The following PRR33 variants were observed in gnomAD, a reference collection of about 807,000 sequenced individuals.
PRR33 encodes proline rich 33, also known as proline-rich protein 33.
PRR33 carries 1 observed loss-of-function variant against 0.5 expected under a neutral mutation model. The observed-to-expected ratio is 2.18, with a 90% CI of 0.77 to 10.34. The LOEUF (loss-of-function observed/expected upper bound fraction) is 10.34, where lower values mean the gene tolerates loss of function less well. Ranked by LOEUF, PRR33 falls within the 30% of genes most tolerant of loss-of-function variation. The pLI is 0.13. For missense variants in PRR33, 552 were observed against 251.8 expected, an observed-to-expected ratio of 2.19 and a Z score of -8.07; for synonymous variants, 226 against 110.0, an observed-to-expected ratio of 2.06 and a Z score of -6.60.
At chr11:1,910,078 G>A in the PRR33 span, among the ~76,000 whole-genome samples, 2 of 152,210 alleles carry the variant, frequency 1.3e-5, no homozygotes, top group African/African-American at 2.4e-5. Flanking sequence ...AGCTGTAATC[G>A]TGCAGAACCC....
the PRR33 span, among the ~76,000 whole-genome samples, chr11:1,904,460 C>T: frequency 1.3e-4 from 19 of 151,552 alleles, no homozygotes; most frequent in African/African-American, 4.4e-4. Flanking sequence ...ACCTGGTAGG[C>T]GGAGGTTGCA....
the PRR33 span, among the ~76,000 whole-genome samples, chr11:1,897,592 C>G: frequency 6.6e-6 from 1 of 152,172 alleles, no homozygotes; most frequent in Non-Finnish European, 1.5e-5. The surrounding 1 kb of genome is among the most constrained non-coding windows in gnomAD (Gnocchi z 4.0). Flanking sequence ...AAAACAATGG[C>G]CTCTTATAAT....
chr11:1,914,011 G>A, the PRR33 span, among the ~76,000 whole-genome samples: 1 of 152,238 alleles, frequency 6.6e-6, no homozygotes, highest in African/African-American at 2.4e-5. Context: ...TGCTCCTGGG[G>A]GGCCTTTCAG....
At chr11:1,899,663 T>G in the PRR33 span, among the ~76,000 whole-genome samples, 152,106 of 152,310 alleles carry the variant, frequency 1, 75,951 homozygotes, top group Middle Eastern at 1. Context: ...AGTTCATTCA[T>G]TTCCCTTGCT....
chr11:1,909,447 C>A, the PRR33 span, among the ~76,000 whole-genome samples: 1 of 151,892 alleles, frequency 6.6e-6, no homozygotes, highest in South Asian at 2.1e-4. Context: ...CCCATCTCTA[C>A]TAAAAATACA....
the PRR33 span, among the ~76,000 whole-genome samples, chr11:1,898,529 C>T: frequency 2.0e-5 from 3 of 152,098 alleles, no homozygotes; most frequent in African/African-American, 7.2e-5. Context: ...GCCACCACGC[C>T]CAGCAGAGGG....
chr11:1,891,842 C>G (rs535547024), exon 1 of PRR33: 1 of 152,530 alleles, frequency 6.6e-6, no homozygotes, highest in Non-Finnish European at 1.5e-5. Flanking sequence ...GCCAGACACC[C>G]GCCCCCCGGC....
chr11:1,888,090 A>G (rs1848831935), exon 1 of PRR33, among the ~76,000 whole-genome samples: 1 of 152,080 alleles, frequency 6.6e-6, no homozygotes, highest in Admixed American at 6.5e-5. Context: ...CCATGGTGAG[A>G]CACACATTTA....
At chr11:1,891,520 C>T (rs74047639) in exon 1 of PRR33, 15,034 of 152,308 alleles carry the variant, frequency 0.099, 972 homozygotes, top group South Asian at 0.28. Context: ...GCTTGGCAGG[C>T]AGGCCGCCTT....
upstream of PRR33, among the ~76,000 whole-genome samples, chr11:1,896,139 G>C (rs181744571): frequency 3.9e-5 from 6 of 152,280 alleles, no homozygotes; most frequent in Admixed American, 3.9e-4. Context: ...TAGAATGTTA[G>C]CTCTTCAATT....
At chr11:1,893,657 G>A (rs893554172), upstream of PRR33, among the ~76,000 whole-genome samples, 15 of 145,294 alleles carry the variant, frequency 1.0e-4, no homozygotes, top group African/African-American at 3.8e-4. Context: ...GATAAATGAA[G>A]GGATGGGTAG....
At position 1,889,399 on chromosome 11, in the gene PRR33, G is replaced by A. The variant is rs537569079; in HGVS notation, c.1186C>T (p.Arg396Trp). ...ACGGCATCCCACATCCTGGAGGTCC[G>A]GGAGGCGGGGGCCCGGGGTGCGGTG... is the stretch of plus-strand genomic sequence containing the variant. The change falls in exon 1 of 1, where the codon CGG becomes TGG. Residue 396 changes from arginine to tryptophan, a missense_variant. Arg to Trp is a moderately radical substitution (Grantham distance 101). Transcript: ENST00000640310. 8.2e-5 allele frequency: 57 copies of A among 692,456 alleles called. 1 individual carries two copies. The African/African-American group carries it at 9.0e-4, about 11-fold the overall frequency. 42.9% of individuals were successfully genotyped at this position (692,456 alleles called of 1,614,324 possible). A position where few individuals can be genotyped will look rare whatever the true frequency, so the allele number is the denominator to read the frequency against.
At chr11:1,914,880 T>TGTGG in the PRR33 span, among the ~76,000 whole-genome samples, 1 of 128,736 alleles carries the variant, frequency 7.8e-6, no homozygotes, top group African/African-American at 3.0e-5. Flanking sequence ...TGTGTGTGTG[T>TGTGG]TGTGAGGTCA....
At chr11:1,905,324 G>A in the PRR33 span, among the ~76,000 whole-genome samples, 4 of 150,864 alleles carry the variant, frequency 2.7e-5, no homozygotes, top group East Asian at 3.9e-4. Context: ...ACAGGTTTTC[G>A]CCATGTTGGC....
At chr11:1,909,640 C>T in the PRR33 span, among the ~76,000 whole-genome samples, 2 of 152,010 alleles carry the variant, frequency 1.3e-5, no homozygotes, top group Non-Finnish European at 2.9e-5. Context: ...GTTAGCCAGG[C>T]ATGGCAGTGG....
chr11:1,912,015 A>AT, the PRR33 span, among the ~76,000 whole-genome samples: 4 of 148,738 alleles, frequency 2.7e-5, no homozygotes, highest in African/African-American at 9.9e-5. Context: ...AAAAAAAAAA[A>AT]AAAAAAAAAA....
At chr11:1,901,824 A>C in the PRR33 span, among the ~76,000 whole-genome samples, 3 of 152,258 alleles carry the variant, frequency 2.0e-5, no homozygotes, top group Non-Finnish European at 4.4e-5. Context: ...CAGACGTTGC[A>C]AATGGAAATG....
chr11:1,903,887 C>T, the PRR33 span, among the ~76,000 whole-genome samples: 1 of 152,194 alleles, frequency 6.6e-6, no homozygotes, highest in Non-Finnish European at 1.5e-5. Flanking sequence ...CCTCCTGCAG[C>T]CCTGCCATTT....
At chr11:1,904,110 G>A in the PRR33 span, among the ~76,000 whole-genome samples, 6 of 152,160 alleles carry the variant, frequency 3.9e-5, no homozygotes, top group African/African-American at 1.2e-4. Flanking sequence ...AACTTCCCAC[G>A]ATCCCCAGCT....
Sources: gnomAD v4.1 joint callset for allele counts (sites outside exome capture counted in the v4.1 genomes callset) on GRCh38, gnomAD v4.1.1 for gene constraint, Gnocchi (gnomAD v3.1) non-coding constraint, MANE v1.5 for transcripts, NCBI Gene and HGNC (gene_info 2026-07-23, HGNC 2026-07-21) for gene names.